The following NAPA variants were observed in gnomAD, a reference collection of about 807,000 sequenced individuals.
NAPA encodes the protein alpha-soluble NSF attachment protein.
Under a neutral mutation model 48.0 loss-of-function variants are expected in NAPA, and 18 were observed. The ratio of observed to expected loss-of-function variants is 0.38; its 90% CI spans 0.26 to 0.56. NAPA has a LOEUF of 0.56. NAPA is among the 20% of genes least tolerant of loss of function. NAPA has a pLI of 0.77. For missense variants in NAPA, 315 were observed against 385.0 expected (o/e 0.82, Z 1.52); for synonymous variants, 152 against 149.9 (o/e 1.01, Z -0.10).
At chr19:47,496,818 C>T (rs1246533455) in intron 3 of NAPA, 2 of 418,936 alleles carry the variant, frequency 4.8e-6, no homozygotes, top group East Asian at 8.2e-5. Flanking sequence ...ACCCCTCCTT[C>T]TGACATGTAA....
chr19:47,492,323 G>A (rs928935791), intron 7 of NAPA: 2 of 554,216 alleles, frequency 3.6e-6, no homozygotes, highest in Admixed American at 3.2e-5. Flanking sequence ...ATCAGGGTGT[G>A]ATGGTGGCTG....
In NAPA at chr19:47,493,052, G is replaced by T. The variant is rs545485969; in HGVS notation, c.477-7C>A. 2.6e-5 allele frequency: 42 copies of T among 1,614,050 alleles called. No individual in the cohort carries two copies. In the South Asian group the frequency reaches 4.2e-4, roughly 16 times the overall value. ...CAGACACTTGTTGGCTGAGCTGTGT[G>T]GGGAGGAGTAGTGAGGGGAAGTGGT... On this transcript the variant is annotated splice_polypyrimidine_tract_variant and splice_region_variant and intron_variant, in intron 6 of 10. Transcript: ENST00000263354. The surrounding 1 kb of genome is among the most constrained non-coding windows in gnomAD (Gnocchi z 6.4).
chr19:47,513,888 C>G (rs1176559689), intron 1 of NAPA, among the ~76,000 whole-genome samples: 5 of 133,262 alleles, frequency 3.8e-5, no homozygotes, highest in Non-Finnish European at 4.8e-5. Flanking sequence ...CTCGCTCTGT[C>G]CCCCAGGCTG....
At position 47,504,679 on chromosome 19, in the gene NAPA, GTA is replaced by G. The variant is rs201922629; in HGVS notation, c.99-1179_99-1178del. ...CACACGTGTACATATATACACATGT[GTA>G]TATATGTGTATGTGTATATATGTGT... On this transcript the variant is annotated intron_variant, in intron 1 of 10. Coordinates refer to ENST00000263354, the MANE Select transcript of NAPA (RefSeq NM_003827.4). Among the ~76,000 whole-genome samples the G allele has an allele frequency of 9.9e-3, 1,495 of 151,744 alleles. 35 individuals are homozygous for G. Among genetic ancestry groups the G allele is most frequent in the African/African-American group, 0.034 (1,406 of 41,290 alleles).
chr19:47,509,692 G>A (rs946944195), intron 1 of NAPA, among the ~76,000 whole-genome samples: 3 of 152,180 alleles, frequency 2.0e-5, no homozygotes, highest in Admixed American at 1.3e-4. Flanking sequence ...GGCTTCCAGA[G>A]TCCTGGCCTC....
At chr19:47,491,067 G>C (rs945904934) in intron 8 of NAPA, 10 of 503,372 alleles carry the variant, frequency 2.0e-5, no homozygotes, top group Non-Finnish European at 3.6e-5. Context: ...TGGCTGCAGG[G>C]AGAGGTGGGT....
At chr19:47,513,012 CCA>C (rs1430483622) in intron 1 of NAPA, among the ~76,000 whole-genome samples, 4 of 152,098 alleles carry the variant, frequency 2.6e-5, no homozygotes, top group African/African-American at 4.8e-5. Flanking sequence ...TGAGTGGCCA[CCA>C]CACACTGTTC....
intron 3 of NAPA, chr19:47,496,717 G>A (rs1003151949): frequency 3.3e-5 from 11 of 332,942 alleles, no homozygotes; most frequent in African/African-American, 1.7e-4. Context: ...GGGGCTCACG[G>A]TCTGGATGGG....
intron 1 of NAPA, among the ~76,000 whole-genome samples, chr19:47,513,990 A>G (rs767771609): frequency 1.3e-5 from 2 of 150,926 alleles, no homozygotes; most frequent in Non-Finnish European, 2.9e-5. Context: ...CTGGGATTAC[A>G]GGTACCCGCC....
intron 2 of NAPA, among the ~76,000 whole-genome samples, chr19:47,502,929 C>T (rs1398951742): frequency 2.0e-5 from 3 of 152,204 alleles, no homozygotes; most frequent in Non-Finnish European, 4.4e-5. Flanking sequence ...CTAAGCCAAG[C>T]CTCAGTTTCC....
intron 1 of NAPA, among the ~76,000 whole-genome samples, chr19:47,504,370 GGAC>G (rs1968648901): frequency 7.3e-6 from 1 of 137,088 alleles, no homozygotes. Flanking sequence ...ACTCCAGCCT[GGAC>G]GACGACAGAG....
chr19:47,492,931 G>A, intron 7 of NAPA, 30 bp downstream of exon 7: 3 of 1,609,270 alleles, frequency 1.9e-6, no homozygotes, highest in Non-Finnish European at 2.6e-6. Flanking sequence ...AGGGGGCAGG[G>A]TGGAAGCCGC....
chr19:47,486,130 G>A (rs540889620), downstream of NAPA, among the ~76,000 whole-genome samples: 42 of 152,268 alleles, frequency 2.8e-4, no homozygotes, highest in South Asian at 6.8e-3. Context: ...TGAGGCAGGC[G>A]GATCAACTGA....
chr19:47,510,165 G>T (rs1172212554), intron 1 of NAPA, among the ~76,000 whole-genome samples: 1 of 152,210 alleles, frequency 6.6e-6, no homozygotes, highest in Non-Finnish European at 1.5e-5. Flanking sequence ...TGGCGCCGGG[G>T]TTTCTGCACG....
At chr19:47,492,724 T>G in intron 7 of NAPA, 3 of 655,738 alleles carry the variant, frequency 4.6e-6, no homozygotes, top group Non-Finnish European at 5.6e-6. Context: ...CTGCGAGGGG[T>G]GTGGGAGGGG....
intron 1 of NAPA, chr19:47,505,605 G>C (rs1021035497): frequency 6.6e-6 from 1 of 152,218 alleles, no homozygotes; most frequent in African/African-American, 2.4e-5. Flanking sequence ...CTGATCAGGT[G>C]AGTTTGAGAA....
chr19:47,500,844 G>A (rs957120500), intron 2 of NAPA, 95 bp from the exon 3 acceptor site: 6 of 938,540 alleles, frequency 6.4e-6, no homozygotes, highest in East Asian at 2.9e-5. Flanking sequence ...TCGGGCTCTC[G>A]AGAATGCGGA....
At chr19:47,491,906 G>T in intron 8 of NAPA, 109 bp downstream of exon 8, 1 of 954,718 alleles carries the variant, frequency 1.0e-6, no homozygotes, top group Non-Finnish European at 1.6e-6. Flanking sequence ...GCTGGCAGGG[G>T]CCAGACGTGA....
chr19:47,496,882 A>G (rs1466100042), intron 3 of NAPA: 2 of 455,742 alleles, frequency 4.4e-6, no homozygotes, highest in Non-Finnish European at 8.8e-6. Context: ...GGTTTTGTCC[A>G]ATTCAGAAAG....
Sources: gnomAD v4.1 joint callset for allele counts (sites outside exome capture counted in the v4.1 genomes callset) on GRCh38, gnomAD v4.1.1 for gene constraint, Gnocchi (gnomAD v3.1) non-coding constraint, MANE v1.5 for transcripts, NCBI Gene and HGNC (gene_info 2026-07-23, HGNC 2026-07-21) for gene names.